The following MRNIP variants were observed in gnomAD, a reference collection of about 807,000 sequenced individuals.
MRNIP encodes MRN complex-interacting protein.
In MRNIP, 30 loss-of-function variants were observed where a neutral mutation model predicts 29.8. The observed-to-expected ratio is 1.01, with a 90% CI of 0.75 to 1.36. The LOEUF is 1.36. MRNIP is among the 40% of genes most tolerant of loss of function. The probability of loss-of-function intolerance (pLI) is 0.00; values close to 1 mark genes in which losing one functional copy is unlikely to be tolerated. For missense variants in MRNIP, 459 were observed against 423.5 expected (o/e 1.08, Z -0.74); for synonymous variants, 201 against 164.1 (o/e 1.23, Z -1.72).
At chr5:179,839,601 T>C (rs1758780179) in intron 6 of MRNIP, 1 of 152,232 alleles carries the variant, frequency 6.6e-6, no homozygotes, top group South Asian at 2.1e-4. Context: ...ACAAAACTAG[T>C]TGGCGGCAAC....
intron 3 of MRNIP, chr5:179,846,885 T>C (rs1759157251): frequency 1.3e-5 from 2 of 152,182 alleles, no homozygotes; most frequent in Admixed American, 6.6e-5. Flanking sequence ...GGAGGTGTCC[T>C]ACTGGTCCGC....
chr5:179,841,182 G>A (rs984202183), intron 5 of MRNIP: 16 of 548,218 alleles, frequency 2.9e-5, no homozygotes, highest in Middle Eastern at 4.8e-4. Context: ...GGGTCTCACC[G>A]GCACCCAGGC....
At chr5:179,841,046 G>T in intron 5 of MRNIP, 87 bp from the exon 6 acceptor site, 1 of 955,902 alleles carries the variant, frequency 1.0e-6, no homozygotes, top group South Asian at 1.5e-5. Context: ...CCACAGGCTC[G>T]GGTGGCCACC....
intron 1 of MRNIP, among the ~76,000 whole-genome samples, chr5:179,857,375 C>A (rs774266291): frequency 6.6e-6 from 1 of 151,886 alleles, no homozygotes; most frequent in Admixed American, 6.6e-5. Context: ...GCAGGAGAAT[C>A]GCTTGAACCC....
chr5:179,855,363 C>T (rs531281138), intron 1 of MRNIP, among the ~76,000 whole-genome samples: 15 of 151,888 alleles, frequency 9.9e-5, no homozygotes, highest in Non-Finnish European at 1.3e-4. Flanking sequence ...AGGCTGGTCT[C>T]GAACTCCTGA....
rs1758858023 is a variant in MRNIP, at chr5:179,840,964, C to G, written c.450-5G>C. ...ACGGTGCTCCTGCTCCACTTCCTGT[C>G]AGGACAGGACCGTCAGTAGTCCCGT... On this transcript the variant is annotated splice_region_variant and splice_polypyrimidine_tract_variant and intron_variant, in intron 5 of 6. Coordinates refer to ENST00000292586, the MANE Select transcript of MRNIP (RefSeq NM_016175.4). The G allele has an allele frequency of 6.3e-7, 1 of 1,593,646 alleles. No homozygotes were observed. Among genetic ancestry groups the G allele is most frequent in the East Asian group, 2.3e-5 (1 of 44,130 alleles).
At chr5:179,857,094 A>G (rs1451144259) in intron 1 of MRNIP, among the ~76,000 whole-genome samples, 2 of 152,150 alleles carry the variant, frequency 1.3e-5, no homozygotes, top group African/African-American at 2.4e-5. Flanking sequence ...CTCAAAATAA[A>G]TAAGTAAATA....
chr5:179,845,969 T>C (rs1002755710), intron 3 of MRNIP: 1 of 152,182 alleles, frequency 6.6e-6, no homozygotes, highest in Non-Finnish European at 1.5e-5. Flanking sequence ...GTGCGCTTGG[T>C]CGAAGAGGAC....
At position 179,837,621 on chromosome 5, in the gene MRNIP, T is replaced by TG. The variant is rs749671180; in HGVS notation, c.801dup (p.Arg268GlnfsTer30). Reference sequence around the variant, plus strand: ...AGGCCTTCTCTTGAGGCCTGTGCTCTGGGGGTCCCTTGCTTAGCCTGTGCT... The same window carrying TG: ...AGGCCTTCTCTTGAGGCCTGTGCTCTGGGGGGTCCCTTGCTTAGCCTGTGCT... On this transcript the variant is annotated frameshift_variant, in exon 7 of 7. Transcript: ENST00000292586. LOFTEE classifies it low-confidence loss of function (END_TRUNC). 80 of 1,614,208 alleles carry TG rather than the reference T, an allele frequency of 5.0e-5. No homozygotes were observed. The African/African-American group carries it at 6.4e-4, about 13-fold the overall frequency.
chr5:179,844,569 C>T (rs1476847556), intron 3 of MRNIP, among the ~76,000 whole-genome samples: 5 of 152,014 alleles, frequency 3.3e-5, no homozygotes, highest in Admixed American at 1.3e-4. Flanking sequence ...ACCACAGGCA[C>T]GCACCACTAC....
chr5:179,846,409 T>C (rs1759130848), intron 3 of MRNIP, among the ~76,000 whole-genome samples: 3 of 151,760 alleles, frequency 2.0e-5, no homozygotes, highest in Admixed American at 2.0e-4. Flanking sequence ...TCAGCCTCCC[T>C]AGTAGCTGGG....
chr5:179,846,841 G>A (rs373733208), intron 3 of MRNIP, among the ~76,000 whole-genome samples: 1 of 152,062 alleles, frequency 6.6e-6, no homozygotes, highest in Admixed American at 6.6e-5. Context: ...TTTGTACACC[G>A]AGGGTGTAGT....
chr5:179,840,054 C>T (rs1434241786), intron 6 of MRNIP: 1 of 152,218 alleles, frequency 6.6e-6, no homozygotes, highest in African/African-American at 2.4e-5. Flanking sequence ...AAGCAATTCT[C>T]CTGCCTCAGC....
chr5:179,838,322 T>A (rs1758707924), intron 6 of MRNIP: 1 of 226,654 alleles, frequency 4.4e-6, no homozygotes, highest in South Asian at 6.9e-5. Context: ...GAGCTCCCTG[T>A]GGGATAGGAC....
chr5:179,854,488 AAC>A (rs1477335659), intron 1 of MRNIP, among the ~76,000 whole-genome samples: 1 of 152,212 alleles, frequency 6.6e-6, no homozygotes, highest in Non-Finnish European at 1.5e-5. Flanking sequence ...ATCTGTATGA[AAC>A]ACAATCAAAT....
chr5:179,848,515 ATATT>A (rs2113558862), intron 2 of MRNIP, among the ~76,000 whole-genome samples: 1 of 152,314 alleles, frequency 6.6e-6, no homozygotes, highest in Middle Eastern at 3.4e-3. Context: ...CATCCAACAA[ATATT>A]TATTGAATAC....
intron 4 of MRNIP, 99 bp from the exon 5 acceptor site, chr5:179,842,163 C>A: frequency 8.4e-7 from 1 of 1,183,770 alleles, no homozygotes; most frequent in Non-Finnish European, 1.2e-6. Flanking sequence ...TCTCAGGAGT[C>A]ATGTCCAGCT....
intron 4 of MRNIP, among the ~76,000 whole-genome samples, chr5:179,843,047 A>AAAGAAGGAAGGG (rs1758971327): frequency 1.2e-5 from 1 of 83,258 alleles, no homozygotes; most frequent in Non-Finnish European, 2.3e-5. Flanking sequence ...GGAAAGAAGG[A>AAAGAAGGAAGGG]AGGAAGGAAG....
intron 1 of MRNIP, among the ~76,000 whole-genome samples, chr5:179,855,069 C>G (rs1035411592): frequency 3.9e-5 from 6 of 152,182 alleles, no homozygotes; most frequent in African/African-American, 1.2e-4. Flanking sequence ...AATTATAATA[C>G]CTGAAATAAC....
Sources: gnomAD v4.1 joint callset for allele counts (sites outside exome capture counted in the v4.1 genomes callset) on GRCh38, gnomAD v4.1.1 for gene constraint, MANE v1.5 for transcripts, NCBI Gene and HGNC (gene_info 2026-07-23, HGNC 2026-07-21) for gene names.